H2BC4: variants seen among roughly 807,000 people sequenced by gnomAD.
H2BC4 encodes H2B clustered histone 4.
H2BC4 carries 10 observed loss-of-function variants against 6.2 expected under a neutral mutation model. The ratio of observed to expected loss-of-function variants is 1.61; its 90% CI spans 0.99 to 2.73. The LOEUF is 2.73. H2BC4 is among the 30% of genes most tolerant of loss of function. The probability of loss-of-function intolerance (pLI) is 0.00; values close to 1 mark genes in which losing one functional copy is unlikely to be tolerated. For synonymous variants in H2BC4, 146 were observed against 70.7 expected (o/e 2.07, Z -5.35); for missense variants, 176 against 168.7 (o/e 1.04, Z -0.24).
downstream of H2BC4, chr6:26,123,305 C>T: frequency 2.4e-6 from 2 of 831,698 alleles, no homozygotes; most frequent in Non-Finnish European, 3.6e-6. Context: ...ACGAATTGAC[C>T]CCAAAGCCAT....
Position 26,123,645 on chromosome 6 carries a change from C to G in H2BC4, c.260G>C (p.Arg87Pro). 1 of 1,614,262 alleles carries G rather than the reference C, an allele frequency of 6.2e-7. No homozygotes were observed. ...GATCTCCCTGGAGGTGATGGTCGAG[C>G]GCTTGTTGTAATGCGCCAGGCGGGA... ...EASRLAHYNK[R>P]STITSREIQT... Residue 87 changes from arginine to proline, a missense_variant, in exon 1 of 1, where the codon CGC becomes CCC. By Grantham distance (103) the Arg-to-Pro change is moderately radical. Coordinates refer to ENST00000396984, the MANE Select transcript of H2BC4 (RefSeq NM_003526.3).
At chr6:26,114,467 G>T (rs977586020), downstream of H2BC4, among the ~76,000 whole-genome samples, 5 of 152,006 alleles carry the variant, frequency 3.3e-5, no homozygotes, top group African/African-American at 1.2e-4. Flanking sequence ...CTATAAAACA[G>T]GAATTTCCAT....
At chr6:26,114,578 C>A (rs1763396391), downstream of H2BC4, among the ~76,000 whole-genome samples, 1 of 151,908 alleles carries the variant, frequency 6.6e-6, no homozygotes, top group Non-Finnish European at 1.5e-5. Context: ...TTTAGTATTT[C>A]CACTTCATGA....
downstream of H2BC4, among the ~76,000 whole-genome samples, chr6:26,121,311 T>A (rs192009745): frequency 6.6e-6 from 1 of 152,288 alleles, no homozygotes; most frequent in African/African-American, 2.4e-5. Context: ...CTGCCACCAA[T>A]ATGCAACCAA....
At chr6:26,117,895 TAAAAG>T (rs532317446) in intron 1 of H2BC4, among the ~76,000 whole-genome samples, 18 of 152,324 alleles carry the variant, frequency 1.2e-4, no homozygotes, top group Middle Eastern at 3.4e-3. Context: ...CCAAGAATGT[TAAAAG>T]AAAACAATTA....
At chr6:26,119,729 T>A (rs1157474406), downstream of H2BC4, among the ~76,000 whole-genome samples, 1 of 151,898 alleles carries the variant, frequency 6.6e-6, no homozygotes, top group Non-Finnish European at 1.5e-5. Context: ...GTGTATACTA[T>A]AATATTCTGC....
downstream of H2BC4, among the ~76,000 whole-genome samples, chr6:26,122,705 G>C (rs198823): frequency 2.6e-5 from 4 of 152,138 alleles, no homozygotes; most frequent in African/African-American, 4.8e-5. Flanking sequence ...TTTCAAACTT[G>C]TCTGCATGTT....
downstream of H2BC4, among the ~76,000 whole-genome samples, chr6:26,119,000 A>G (rs770469316): frequency 3.3e-5 from 5 of 152,118 alleles, no homozygotes; most frequent in Admixed American, 6.6e-5. Flanking sequence ...TGAATGTACC[A>G]CATTAACAAA....
Position 26,123,587 on chromosome 6 carries a change from C to T in H2BC4, c.318G>A (p.Glu106=). ...QTAVRLLLPG[E]LAKHAVSEGT... The stretch of plus-strand genomic sequence containing the variant: ...CCTCCGACACGGCGTGCTTGGCCAG[C>T]TCTCCGGGAAGCAGCAGGCGCACGG... The change falls in exon 1 of 1, where the codon GAG becomes GAA. Residue 106 remains glutamate, a synonymous_variant. Coordinates refer to ENST00000396984, the MANE Select transcript of H2BC4 (RefSeq NM_003526.3). 12 of 1,614,270 alleles carry T rather than the reference C, an allele frequency of 7.4e-6. No individual in the cohort carries two copies. In the South Asian group the frequency reaches 1.2e-4, roughly 16 times the overall value.
chr6:26,123,274 T>C (rs115740542), downstream of H2BC4: 29,180 of 627,218 alleles, frequency 0.047, 976 homozygotes, highest in Non-Finnish European at 0.064. Flanking sequence ...GCCGCTTGTC[T>C]CCATTTTAAA....
At position 26,123,599 on chromosome 6, in the gene H2BC4, C is replaced by CA; in HGVS notation, c.305dup (p.Leu103AlafsTer35). The CA allele has an allele frequency of 6.2e-7, 1 of 1,614,270 alleles. No individual in the cohort carries two copies. Among genetic ancestry groups the CA allele is most frequent in the East Asian group, 2.2e-5 (1 of 44,892 alleles). On this transcript the variant is annotated frameshift_variant, in exon 1 of 1. Transcript: ENST00000396984. LOFTEE classifies it high-confidence loss of function. ...CGTGCTTGGCCAGCTCTCCGGGAAG[C>CA]AGCAGGCGCACGGCCGTCTGGATCT...
At chr6:26,117,637 A>G (rs1763440878) in intron 1 of H2BC4, among the ~76,000 whole-genome samples, 1 of 152,202 alleles carries the variant, frequency 6.6e-6, no homozygotes. Flanking sequence ...TTACCACTCT[A>G]TAGGCTCAGG....
Position 26,123,640 on chromosome 6 carries a change from T to A in H2BC4, c.265A>T (p.Thr89Ser). Residue 89 changes from threonine (T) to serine (S), a missense_variant, in exon 1 of 1, where the codon ACC (threonine) becomes TCC (serine). Physicochemically the swap from Thr to Ser is moderately conservative, Grantham distance 58 (BLOSUM62 1). Transcript: ENST00000396984. ...SRLAHYNKRS[T>S]ITSREIQTAV... ...GTCTGGATCTCCCTGGAGGTGATGGTCGAGCGCTTGTTGTAATGCGCCAGG... is the reference window on the plus strand; with the variant it reads ...GTCTGGATCTCCCTGGAGGTGATGGACGAGCGCTTGTTGTAATGCGCCAGG... The A allele has an allele frequency of 1.2e-6, 2 of 1,614,282 alleles. No homozygotes were observed. Among genetic ancestry groups the A allele is most frequent in the Non-Finnish European group, 1.7e-6 (2 of 1,180,050 alleles).
chr6:26,113,668 A>T (rs1244277992), downstream of H2BC4, among the ~76,000 whole-genome samples: 1 of 152,120 alleles, frequency 6.6e-6, no homozygotes, highest in African/African-American at 2.4e-5. Context: ...GGGCTGCCAT[A>T]AAAAAATACC....
At chr6:26,121,950 G>T (rs1763501985), downstream of H2BC4, among the ~76,000 whole-genome samples, 1 of 151,796 alleles carries the variant, frequency 6.6e-6, no homozygotes, top group South Asian at 2.1e-4. Flanking sequence ...CTACTCCGGA[G>T]GCTGAGGCAG....
chr6:26,115,336 G>C (rs1352066627), intron 1 of H2BC4, among the ~76,000 whole-genome samples: 1 of 152,160 alleles, frequency 6.6e-6, no homozygotes, highest in Non-Finnish European at 1.5e-5. Flanking sequence ...GATACCTACT[G>C]TCATTCTCCC....
chr6:26,119,157 C>T (rs936794273), downstream of H2BC4, among the ~76,000 whole-genome samples: 3 of 151,772 alleles, frequency 2.0e-5, no homozygotes, highest in Non-Finnish European at 2.9e-5. Flanking sequence ...ATTGTGTTCC[C>T]GCATAGGCAT....
chr6:26,123,322 T>C (rs1024879357), downstream of H2BC4: 1 of 933,062 alleles, frequency 1.1e-6, no homozygotes, highest in Non-Finnish European at 1.5e-6. Flanking sequence ...CCATTTTTAA[T>C]GGCTGGCTTC....
At chr6:26,123,449 GCT>G (rs1410530543), downstream of H2BC4, 83 of 1,578,974 alleles carry the variant, frequency 5.3e-5, no homozygotes, top group Middle Eastern at 3.4e-4. Context: ...TCTGGCCACA[GCT>G]CTTTTAGTGG....
Sources: allele counts gnomAD v4.1 joint callset (sites outside exome capture counted in the v4.1 genomes callset), GRCh38; gene constraint gnomAD v4.1.1; transcripts MANE v1.5; gene names NCBI Gene and HGNC (gene_info 2026-07-23, HGNC 2026-07-21).